USP40: variants seen among roughly 807,000 people sequenced by gnomAD.
USP40 encodes ubiquitin specific peptidase 40, also known as ubiquitin carboxyl-terminal hydrolase 40.
In USP40, 143 loss-of-function variants were observed where a neutral mutation model predicts 166.2. The ratio of observed to expected loss-of-function variants is 0.86; its 90% confidence interval spans 0.75 to 0.99. The LOEUF (loss-of-function observed/expected upper bound fraction) is 0.99, where lower values mean the gene tolerates loss of function less well. Ranked by LOEUF, USP40 falls within the 50% of genes least tolerant of loss-of-function variation. The pLI is 0.00. For missense variants in USP40, 1,444 were observed against 1,479.7 expected (o/e 0.98, Z 0.40); for synonymous variants, 498 against 524.0 (o/e 0.95, Z 0.68).
chr2:233,491,381 G>T, intron 25 of USP40, 120 bp from the exon 26 acceptor site: 1 of 769,020 alleles, frequency 1.3e-6, no homozygotes. Context: ...AAGAGCCTCT[G>T]CATCCAAGTC....
intron 18 of USP40, 95 bp downstream of exon 18, chr2:233,519,519 T>C: frequency 1.4e-6 from 1 of 739,570 alleles, no homozygotes; most frequent in Non-Finnish European, 2.2e-6. Flanking sequence ...ATGTGAGTTC[T>C]CCCTAAACTG....
intron 22 of USP40, among the ~76,000 whole-genome samples, chr2:233,499,318 G>A (rs1477827100): frequency 1.3e-5 from 2 of 152,036 alleles, no homozygotes; most frequent in Non-Finnish European, 2.9e-5. Context: ...CTCCATCCAT[G>A]ACCCTGCAAA....
At chr2:233,515,560 A>C (rs1005250429) in intron 18 of USP40, among the ~76,000 whole-genome samples, 4 of 151,864 alleles carry the variant, frequency 2.6e-5, no homozygotes, top group African/African-American at 9.7e-5. Context: ...TTAGGTTACA[A>C]GGGTTTTTTT....
chr2:233,494,992 AAAATAAAT>A (rs1553558288), intron 24 of USP40, among the ~76,000 whole-genome samples: 4 of 132,346 alleles, frequency 3.0e-5, no homozygotes, highest in Non-Finnish European at 6.3e-5. Flanking sequence ...ACACACATAA[AAAATAAAT>A]AAATAAATAA....
In USP40 at chr2:233,489,371, G is replaced by A; in HGVS notation, c.3125C>T (p.Pro1042Leu). The A allele has an allele frequency of 1.3e-6, 2 of 1,588,514 alleles. No individual in the cohort carries two copies. The highest frequency in any genetic ancestry group is 1.7e-4 in the Middle Eastern group (1 of 5,950). ...CGTCCAGCAAGGAACCTACCTGAGT[G>A]GCTGCCGGTCAGTTCGTAAAAGCCT... is the stretch of plus-strand genomic sequence containing the variant. ...PGRLLRTDRQ[P>L]LREYKLGRRI... The change falls in exon 27 of 32, where the codon CCA becomes CTA. Residue 1042 changes from proline (P) to leucine (L), a missense_variant. Physicochemically the swap from Pro to Leu is moderately conservative, Grantham distance 98. Coordinates refer to ENST00000678225, the MANE Select transcript of USP40 (RefSeq NM_001365479.2).
intron 30 of USP40, among the ~76,000 whole-genome samples, chr2:233,484,635 C>T (rs1168722921): frequency 1.3e-5 from 2 of 152,036 alleles, no homozygotes; most frequent in Non-Finnish European, 2.9e-5. Context: ...GTGTGTGCTA[C>T]CACACCCGGC....
At chr2:233,565,288 T>C (rs1217007806) in intron 2 of USP40, 68 bp downstream of exon 2, 4 of 1,201,424 alleles carry the variant, frequency 3.3e-6, no homozygotes, top group Middle Eastern at 1.9e-4. Context: ...ATTTGTGATT[T>C]TGCATAATTA....
At chr2:233,566,335 TAGCATAGGTACCAAATGAC>T (rs2072153710) in intron 1 of USP40, among the ~76,000 whole-genome samples, 2 of 152,156 alleles carry the variant, frequency 1.3e-5, no homozygotes, top group Non-Finnish European at 2.9e-5. Context: ...GTAAAGCGCC[TAGCATAGGTACCAAATGAC>T]AGGAAGCGCT....
At chr2:233,495,697 C>A (rs2065705470) in intron 24 of USP40, among the ~76,000 whole-genome samples, 1 of 152,150 alleles carries the variant, frequency 6.6e-6, no homozygotes, top group Non-Finnish European at 1.5e-5. Context: ...AGAAAAGCAG[C>A]TGCCTGTCGG....
rs2064201972 is a variant in USP40 at position 233,476,804 on chromosome 2, A to G, written c.*588T>C. ...GCTCCTCCTCGTGGAAAGAGCTCGC[A>G]CTTTTCAGCATCGCAGTTTTAACTC... On this transcript the variant is annotated 3_prime_UTR_variant, in exon 32 of 32. Coordinates refer to ENST00000678225, the MANE Select transcript of USP40 (RefSeq NM_001365479.2). 6.2e-6 allele frequency: 1 copy of G among 162,462 alleles called. No homozygotes were observed. Among genetic ancestry groups the G allele is most frequent in the Non-Finnish European group, 1.4e-5 (1 of 73,840 alleles). The allele number at this position is 162,462 out of a possible 1,614,324, so 10.1% of individuals were successfully genotyped here.
chr2:233,481,557 C>T, intron 30 of USP40: 1 of 492,718 alleles, frequency 2.0e-6, no homozygotes. Context: ...CTGCGAGTGG[C>T]CAAACAGGGG....
chr2:233,493,201 A>G lies in USP40; in HGVS notation c.2917+224T>C. ...AAGTGTAATATATTGATATAATAAT[A>G]AACAACAAGATATATAGTGCTTTAC... On this transcript the variant is annotated intron_variant, in intron 25 of 31. Transcript: ENST00000678225. The surrounding 1 kb of genome is among the most constrained non-coding windows in gnomAD (Gnocchi z 4.7). 1 of 584,518 alleles carries G rather than the reference A, an allele frequency of 1.7e-6. No homozygotes were observed. 36.2% of individuals were successfully genotyped at this position (584,518 alleles called of 1,614,324 possible).
chr2:233,494,799 C>A (rs1313608756), intron 24 of USP40, among the ~76,000 whole-genome samples: 3 of 137,166 alleles, frequency 2.2e-5, no homozygotes, highest in Non-Finnish European at 4.6e-5. Context: ...TACTTCAGCC[C>A]GGGTGACAAG....
intron 30 of USP40, 146 bp from the exon 31 acceptor site, chr2:233,481,443 T>TCCTCTTG: frequency 1.4e-6 from 1 of 715,552 alleles, no homozygotes; most frequent in Non-Finnish European, 2.2e-6. Context: ...TTAAAAAAAA[T>TCCTCTTG]CCTCTTGCTC....
intron 6 of USP40, among the ~76,000 whole-genome samples, chr2:233,552,661 C>T (rs2070684529): frequency 6.6e-6 from 1 of 152,138 alleles, no homozygotes; most frequent in Non-Finnish European, 1.5e-5. Flanking sequence ...ATAAACCTCT[C>T]TCTTTGGGTT....
At chr2:233,540,906 ATTAT>A in intron 9 of USP40, 137 bp from the exon 10 acceptor site, 1 of 446,176 alleles carries the variant, frequency 2.2e-6, no homozygotes, top group East Asian at 3.7e-5. Context: ...TTCCATCATA[ATTAT>A]TTTATTATAA....
chr2:233,522,910 A>G (rs948327462), intron 16 of USP40, among the ~76,000 whole-genome samples: 6 of 152,246 alleles, frequency 3.9e-5, no homozygotes, highest in Admixed American at 2.0e-4. Context: ...CAACTAATTG[A>G]TACTCTATAC....
chr2:233,491,380 T>G, intron 25 of USP40, 119 bp from the exon 26 acceptor site: 1 of 768,898 alleles, frequency 1.3e-6, no homozygotes, highest in African/African-American at 1.7e-5. Context: ...CAAGAGCCTC[T>G]GCATCCAAGT....
At chr2:233,525,616 C>A in intron 13 of USP40, 54 bp from the exon 14 acceptor site, 1 of 1,371,314 alleles carries the variant, frequency 7.3e-7, no homozygotes, top group South Asian at 1.2e-5. Context: ...ATATACATAT[C>A]ACCTTTCCAG....
Sources: allele counts gnomAD v4.1 joint callset (sites outside exome capture counted in the v4.1 genomes callset), GRCh38; gene constraint gnomAD v4.1.1; non-coding constraint Gnocchi (gnomAD v3.1); transcripts MANE v1.5; gene names NCBI Gene and HGNC (gene_info 2026-07-23, HGNC 2026-07-21).